FAF1: variants seen among roughly 807,000 people sequenced by gnomAD.
The protein encoded by FAF1 is FAS-associated factor 1.
Under a neutral mutation model 92.5 loss-of-function variants are expected in FAF1, and 25 were observed. The ratio of observed to expected loss-of-function variants is 0.27; its 90% confidence interval spans 0.20 to 0.38. The LOEUF (loss-of-function observed/expected upper bound fraction) is 0.38, where lower values mean the gene tolerates loss of function less well. FAF1 is among the 10% of genes least tolerant of loss of function. The pLI is 1.00. For missense variants in FAF1, 636 were observed against 793.3 expected, an observed-to-expected ratio of 0.80 and a Z score of 2.38; for synonymous variants, 234 against 273.2, an observed-to-expected ratio of 0.86 and a Z score of 1.42.
intron 7 of FAF1, among the ~76,000 whole-genome samples, chr1:50,673,935 G>C (rs1259620677): frequency 6.6e-6 from 1 of 151,006 alleles, no homozygotes; most frequent in African/African-American, 2.4e-5. Flanking sequence ...AATTCAAAAG[G>C]AAATCTATGT....
At chr1:50,537,007 C>T (rs1003945437) in intron 14 of FAF1, among the ~76,000 whole-genome samples, 5 of 150,120 alleles carry the variant, frequency 3.3e-5, no homozygotes, top group Admixed American at 6.6e-5. Flanking sequence ...GACAGGGTCT[C>T]GCTTTGTTGC....
intron 8 of FAF1, among the ~76,000 whole-genome samples, chr1:50,638,281 T>A (rs1414685144): frequency 6.6e-6 from 1 of 152,146 alleles, no homozygotes; most frequent in Non-Finnish European, 1.5e-5. Flanking sequence ...TCCTCCTTTC[T>A]AATCTGCATG....
intron 6 of FAF1, among the ~76,000 whole-genome samples, chr1:50,728,744 T>C (rs950589340): frequency 6.6e-6 from 1 of 151,078 alleles, no homozygotes; most frequent in Non-Finnish European, 1.5e-5. Flanking sequence ...TGAGCCGAGA[T>C]TGCGCCACTG....
chr1:50,789,489 C>T (rs1661490404), intron 3 of FAF1, among the ~76,000 whole-genome samples: 2 of 152,148 alleles, frequency 1.3e-5, no homozygotes, highest in Non-Finnish European at 2.9e-5. Flanking sequence ...ATCCCTTCTT[C>T]TCTTTCATCC....
At chr1:50,524,131 T>C (rs1030462554) in intron 15 of FAF1, among the ~76,000 whole-genome samples, 2 of 152,206 alleles carry the variant, frequency 1.3e-5, no homozygotes, top group Non-Finnish European at 2.9e-5. Flanking sequence ...TTGGTATGCA[T>C]GTCTCTAATG....
At chr1:50,829,462 C>T (rs1434439416) in intron 2 of FAF1, among the ~76,000 whole-genome samples, 1 of 152,144 alleles carries the variant, frequency 6.6e-6, no homozygotes, top group African/African-American at 2.4e-5. Flanking sequence ...TCAATTCACC[C>T]CCAACAAAGT....
At chr1:50,546,761 T>C (rs948261188) in intron 13 of FAF1, among the ~76,000 whole-genome samples, 1 of 152,186 alleles carries the variant, frequency 6.6e-6, no homozygotes, top group African/African-American at 2.4e-5. Context: ...AGGAGACTTT[T>C]TATTACATAC....
At chr1:50,633,887 A>G (rs1192079852) in intron 8 of FAF1, among the ~76,000 whole-genome samples, 2 of 152,252 alleles carry the variant, frequency 1.3e-5, no homozygotes, top group Non-Finnish European at 2.9e-5. Flanking sequence ...ACAGCATTCA[A>G]ATTTGTACTT....
At chr1:50,763,217 C>T (rs1025812054) in intron 4 of FAF1, among the ~76,000 whole-genome samples, 15 of 152,078 alleles carry the variant, frequency 9.9e-5, no homozygotes, top group African/African-American at 3.4e-4. Context: ...GAGATGACGC[C>T]ACTGCACTCC....
intron 5 of FAF1, among the ~76,000 whole-genome samples, chr1:50,739,306 A>G (rs193229329): frequency 1.4e-4 from 21 of 151,920 alleles, no homozygotes; most frequent in South Asian, 2.1e-4. Flanking sequence ...GTGTACACGT[A>G]CATGCATATA....
chr1:50,746,273 TATATATATATATATA>T (rs1659597790), intron 4 of FAF1, among the ~76,000 whole-genome samples: 3 of 19,912 alleles, frequency 1.5e-4, no homozygotes, highest in African/African-American at 6.3e-4. Context: ...TATATATATA[TATATATATATATATA>T]TATATTTTTT....
intron 6 of FAF1, among the ~76,000 whole-genome samples, chr1:50,715,686 T>C (rs1379877262): frequency 2.0e-5 from 3 of 152,178 alleles, no homozygotes; most frequent in Non-Finnish European, 2.9e-5. Flanking sequence ...GGAGATCCCA[T>C]TCCAATTTAA....
chr1:50,742,053 A>C (rs996335322), intron 5 of FAF1, among the ~76,000 whole-genome samples: 3 of 152,150 alleles, frequency 2.0e-5, no homozygotes, highest in Non-Finnish European at 2.9e-5. Flanking sequence ...TCATGCCTGT[A>C]ATCTCAGCAC....
chr1:50,789,100 G>T (rs1005177605), intron 3 of FAF1, among the ~76,000 whole-genome samples: 1 of 152,122 alleles, frequency 6.6e-6, no homozygotes, highest in African/African-American at 2.4e-5. Context: ...CTCCCAAAGT[G>T]CTGGGATTAC....
intron 7 of FAF1, among the ~76,000 whole-genome samples, chr1:50,669,293 A>T (rs1200392031): frequency 6.6e-6 from 1 of 151,166 alleles, no homozygotes; most frequent in Non-Finnish European, 1.5e-5. Flanking sequence ...AGGCTTCCAT[A>T]AAAAAAAAGA....
chr1:50,759,872 T>C (rs1393333286), intron 4 of FAF1, among the ~76,000 whole-genome samples: 1 of 152,246 alleles, frequency 6.6e-6, no homozygotes, highest in African/African-American at 2.4e-5. Flanking sequence ...TAACTCATTG[T>C]GGTTTTGATT....
chr1:50,667,408 TTCTC>T (rs1404325316), intron 7 of FAF1, among the ~76,000 whole-genome samples: 2 of 152,178 alleles, frequency 1.3e-5, no homozygotes, highest in Non-Finnish European at 2.9e-5. Flanking sequence ...TATTCTAGTT[TTCTC>T]TCTCTCCACA....
At chr1:50,493,590 A>C (rs72898946) in intron 15 of FAF1, among the ~76,000 whole-genome samples, 17,077 of 152,228 alleles carry the variant, frequency 0.11, 1,148 homozygotes, top group African/African-American at 0.18. Flanking sequence ...TTATCACATA[A>C]TTATTTATTT....
intron 7 of FAF1, among the ~76,000 whole-genome samples, chr1:50,699,197 T>C (rs1657363760): frequency 6.6e-6 from 1 of 152,142 alleles, no homozygotes; most frequent in African/African-American, 2.4e-5. Context: ...AAGCAGGTGA[T>C]GTATATTCCT....
Sources: allele counts gnomAD v4.1 joint callset (sites outside exome capture counted in the v4.1 genomes callset), GRCh38; gene constraint gnomAD v4.1.1; transcripts MANE v1.5; gene names NCBI Gene and HGNC (gene_info 2026-07-23, HGNC 2026-07-21).